The following ITGA3 variants were observed in gnomAD, a reference collection of about 807,000 sequenced individuals.
The protein encoded by ITGA3 is integrin subunit alpha 3.
Under a neutral mutation model 131.1 loss-of-function variants are expected in ITGA3, and 70 were observed. That is an observed-to-expected ratio of 0.53 (90% CI 0.44 to 0.65). The LOEUF (loss-of-function observed/expected upper bound fraction) is 0.65. Ranked by LOEUF, ITGA3 falls within the 30% of genes least tolerant of loss-of-function variation. The pLI, the probability that ITGA3 is intolerant of heterozygous loss-of-function variation, is 0.00. For missense variants in ITGA3, 1,098 were observed against 1,388.6 expected, an observed-to-expected ratio of 0.79 and a Z score of 3.33; for synonymous variants, 537 against 571.6, an observed-to-expected ratio of 0.94 and a Z score of 0.86.
Position 50,087,733 on chromosome 17 carries a change from C to A in ITGA3, c.2920-11C>A, listed in dbSNP as rs560203757. ...CTGACACAGGGCTGAGTCCTCCTCT[C>A]CCCGCTCCAGTTCTCTGTGGACATT... On this transcript the variant is annotated splice_polypyrimidine_tract_variant and intron_variant, in intron 23 of 25. Coordinates refer to ENST00000320031, the MANE Select transcript of ITGA3 (RefSeq NM_002204.4). The A allele has an allele frequency of 6.2e-7, 1 of 1,610,712 alleles. No individual in the cohort carries two copies. Among genetic ancestry groups the A allele is most frequent in the Non-Finnish European group, 8.5e-7 (1 of 1,178,340 alleles).
intron 3 of ITGA3, among the ~76,000 whole-genome samples, chr17:50,066,717 G>A (rs1397176501): frequency 6.6e-6 from 1 of 152,152 alleles, no homozygotes; most frequent in Admixed American, 6.5e-5. Context: ...AAAGGTTGGA[G>A]TGAGCTGAGA....
At position 50,072,023 on chromosome 17, in the gene ITGA3, G is replaced by T; in HGVS notation, c.997G>T (p.Glu333Ter). ...CCTGGTGGGCGCCCCCTACTACTTC[G>T]AGAGGAAAGAGGAAGTAGGGGGTGC... ...DLLVGAPYYF[E>*]RKEEVGGAIY... The change falls in exon 7 of 26, where the codon GAG (glutamate) becomes TAG (stop). Residue 333 changes from glutamate (E) to a stop codon, truncating the protein, a stop_gained. Coordinates refer to ENST00000320031, the MANE Select transcript of ITGA3 (RefSeq NM_002204.4). LOFTEE classifies it high-confidence loss of function. The T allele has an allele frequency of 6.2e-7, 1 of 1,613,908 alleles. No individual in the cohort carries two copies. The highest frequency in any genetic ancestry group is 8.5e-7 in the Non-Finnish European group (1 of 1,179,958).
chr17:50,063,875 C>T (rs1908202494), intron 1 of ITGA3: 1 of 652,048 alleles, frequency 1.5e-6, no homozygotes, highest in Non-Finnish European at 2.6e-6. Flanking sequence ...CTACTGTGCT[C>T]CCTGCTTCCC....
intron 1 of ITGA3, among the ~76,000 whole-genome samples, chr17:50,060,814 C>A (rs1908043114): frequency 6.6e-6 from 1 of 152,196 alleles, no homozygotes; most frequent in Admixed American, 6.5e-5. Context: ...CAGTACTGCT[C>A]TGGAAGGGGT....
chr17:50,061,298 T>C (rs1320962178), intron 1 of ITGA3, among the ~76,000 whole-genome samples: 1 of 152,034 alleles, frequency 6.6e-6, no homozygotes, highest in African/African-American at 2.4e-5. Flanking sequence ...TTCAATCTGA[T>C]TGACATGCGT....
At position 50,085,044 on chromosome 17, in the gene ITGA3, C is replaced by A. The variant is rs551387913; in HGVS notation, c.2920-2700C>A. Among the ~76,000 whole-genome samples the A allele has an allele frequency of 5.3e-5, 8 of 150,598 alleles. No homozygotes were observed. The East Asian group carries it at 1.6e-3, about 30-fold the overall frequency. Reference sequence around the variant, plus strand: ...CCTGGCCAACATGGTGAAACCCCGGCTCTACTAAAAATGCTGGGGTGGTGG... The same window carrying A: ...CCTGGCCAACATGGTGAAACCCCGGATCTACTAAAAATGCTGGGGTGGTGG... On this transcript the variant is annotated intron_variant, in intron 23 of 25. Coordinates refer to ENST00000320031, the MANE Select transcript of ITGA3 (RefSeq NM_002204.4).
intron 5 of ITGA3, 82 bp downstream of exon 5, chr17:50,071,012 G>C: frequency 1.1e-6 from 1 of 916,232 alleles, no homozygotes; most frequent in Non-Finnish European, 1.8e-6. Context: ...CCAGAGTGCA[G>C]TTGTGACTAA....
chr17:50,072,028 G>GA lies in ITGA3; in HGVS notation c.1005dup (p.Glu336ArgfsTer43). On this transcript the variant is annotated frameshift_variant, in exon 7 of 26. Transcript: ENST00000320031. LOFTEE classifies it high-confidence loss of function. ...TGGGCGCCCCCTACTACTTCGAGAG[G>GA]AAAGAGGAAGTAGGGGGTGCCATCT... 1 of 1,614,010 alleles carries GA rather than the reference G, an allele frequency of 6.2e-7. No homozygotes were observed. Among genetic ancestry groups the GA allele is most frequent in the Non-Finnish European group, 8.5e-7 (1 of 1,179,966 alleles).
intron 10 of ITGA3, 63 bp from the exon 11 acceptor site, chr17:50,075,396 A>C: frequency 1.3e-6 from 2 of 1,553,632 alleles, no homozygotes; most frequent in Non-Finnish European, 1.8e-6. Flanking sequence ...TACAGAGGCG[A>C]GAGCTAGGGC....
chr17:50,078,783 T>G (rs777190408), intron 18 of ITGA3, 41 bp from the exon 19 acceptor site: 1 of 1,245,528 alleles, frequency 8.0e-7, no homozygotes, highest in Non-Finnish European at 1.2e-6. Flanking sequence ...AGGGCCCTGG[T>G]CTCTTGTCCC....
In ITGA3 at chr17:50,074,299, G is replaced by GA. The variant is rs1323417957; in HGVS notation, c.1382+21dup. The GA allele has an allele frequency of 2.5e-6, 4 of 1,612,960 alleles. No homozygotes were observed. Among genetic ancestry groups the GA allele is most frequent in the Non-Finnish European group, 3.4e-6 (4 of 1,179,364 alleles). On this transcript the variant is annotated intron_variant, in intron 9 of 25. Transcript: ENST00000320031. ...TGCTGCGGTGAGCCAGGAGGCCAGT[G>GA]AATAAGGGTCTTTCTCTTCTTCATC... is the stretch of plus-strand genomic sequence containing the variant.
At chr17:50,068,801 C>A (rs1051890468) in intron 4 of ITGA3, among the ~76,000 whole-genome samples, 1 of 150,326 alleles carries the variant, frequency 6.7e-6, no homozygotes, top group Non-Finnish European at 1.5e-5. Context: ...CATGCCCAGC[C>A]TCAATCAGTC....
chr17:50,064,691 C>A lies in ITGA3; in HGVS notation c.414+84C>A. The A allele has an allele frequency of 1.7e-6, 2 of 1,172,810 alleles. No homozygotes were observed. Among genetic ancestry groups the A allele is most frequent in the East Asian group, 2.4e-5 (1 of 41,396 alleles). The allele number at this position is 1,172,810 out of a possible 1,614,324, so 72.7% of individuals were successfully genotyped here. ...GAGCTGGGAGGAAAGAAGAGGGCAG[C>A]AGGGGGGTCCACGGCGCGTGTGTGC... On this transcript the variant is annotated intron_variant, in intron 3 of 25. Transcript: ENST00000320031. This position sits in a 1 kb window ranked among gnomAD's most constrained non-coding sequence, Gnocchi z 4.4.
chr17:50,071,386 G>A lies in ITGA3; in HGVS notation c.827G>A (p.Arg276Gln), dbSNP rs746528236. ...ATTGTGACAGGTGCCCCACGGCACC[G>A]ACATATGGGCGCGGTGTTCTTGCTG... ...ITIVTGAPRH[R>Q]HMGAVFLLSQ... is the part of the protein sequence containing the mutation. Residue 276 changes from arginine (R) to glutamine (Q), a missense_variant, in exon 6 of 26, where the codon CGA becomes CAA. Arg to Gln is a conservative substitution (Grantham distance 43, BLOSUM62 1). Transcript: ENST00000320031. 9.5e-5 allele frequency: 153 copies of A among 1,614,066 alleles called. No individual in the cohort carries two copies. The highest frequency in any genetic ancestry group is 1.2e-4 in the Non-Finnish European group (141 of 1,180,050).
chr17:50,056,629 C>T lies in ITGA3; in HGVS notation c.190C>T (p.Arg64Trp), dbSNP rs751924860. The T allele has an allele frequency of 6.2e-7, 1 of 1,601,338 alleles. No individual in the cohort carries two copies. Among genetic ancestry groups the T allele is most frequent in the South Asian group, 1.1e-5 (1 of 88,886 alleles). ...YSVALHRQTE[R>W]QQRYLLLAGA... The stretch of plus-strand genomic sequence containing the variant: ...GGTCGCCCTCCATCGGCAGACAGAG[C>T]GGCAGCAGCGCTACCTGTAAGTGAA... The change falls in exon 1 of 26, where the codon CGG (arginine) becomes TGG (tryptophan). Residue 64 changes from arginine to tryptophan, a missense_variant. By Grantham distance (101) the Arg-to-Trp change is moderately radical. This residue lies in a region of ITGA3 where 356 missense variants were observed against 529.2 expected (regional missense o/e 0.67). Transcript: ENST00000320031. This position sits in a 1 kb window ranked among gnomAD's most constrained non-coding sequence, Gnocchi z 5.6.
rs539853180 is a variant in ITGA3, at chr17:50,071,117, A to G, written c.751+187A>G. ...AAGATGCAAAGTTCTTGACTTCAGG[A>G]TGCTCACAGTCCAGTGTCCAGGCAG... On this transcript the variant is annotated intron_variant, in intron 5 of 25. Coordinates refer to ENST00000320031, the MANE Select transcript of ITGA3 (RefSeq NM_002204.4). 3.3e-5 allele frequency among the ~76,000 whole-genome samples: 5 copies of G among 152,346 alleles called. No individual in the cohort carries two copies. The South Asian group carries it at 8.3e-4, about 25-fold the overall frequency.
rs752000829 is a variant in ITGA3, at chr17:50,070,941, T to A, written c.751+11T>A. The A allele has an allele frequency of 4.9e-5, 73 of 1,502,908 alleles. No individual in the cohort carries two copies. The highest frequency in any genetic ancestry group is 6.7e-5 in the Non-Finnish European group (72 of 1,079,712). 93.1% of individuals were successfully genotyped at this position (1,502,908 alleles called of 1,614,324 possible). On this transcript the variant is annotated intron_variant, in intron 5 of 25. Transcript: ENST00000320031. ...GAAACCTCTATATTGGTGAGTACAG[T>A]AGTGGTAGCCCATCAAGTGGTAGAG...
In ITGA3 at chr17:50,056,783, T is replaced by A. The variant is rs1907848453; in HGVS notation, c.206+138T>A. The A allele has an allele frequency of 5.7e-6, 5 of 870,090 alleles. No individual in the cohort carries two copies. In the Middle Eastern group the frequency reaches 1.1e-3, roughly 185 times the overall value. 53.9% of individuals were successfully genotyped at this position (870,090 alleles called of 1,614,324 possible). ...GGGGCGGCCCTCTGGCTGCTGGGGG[T>A]TGGCGGGAAGTGGAGGATTGGGTGT... is the stretch of plus-strand genomic sequence containing the variant. On this transcript the variant is annotated intron_variant, in intron 1 of 25. Coordinates refer to ENST00000320031, the MANE Select transcript of ITGA3 (RefSeq NM_002204.4). The surrounding 1 kb of genome is among the most constrained non-coding windows in gnomAD (Gnocchi z 5.6).
At chr17:50,085,827 T>C (rs187855844) in intron 23 of ITGA3, among the ~76,000 whole-genome samples, 3,158 of 51,052 alleles carry the variant, frequency 0.062, 55 homozygotes, top group Middle Eastern at 0.18. Context: ...ATAATGTATA[T>C]TAGATTATAC....
Sources: allele counts gnomAD v4.1 joint callset (sites outside exome capture counted in the v4.1 genomes callset), GRCh38; gene constraint gnomAD v4.1.1; regional missense constraint gnomAD v4.1.1; non-coding constraint Gnocchi (gnomAD v3.1); transcripts MANE v1.5; gene names NCBI Gene and HGNC (gene_info 2026-07-23, HGNC 2026-07-21).